Variants in SNX29 observed in about 807,000 individuals in gnomAD.
The protein encoded by SNX29 is sorting nexin 29.
Under a neutral mutation model 102.1 loss-of-function variants are expected in SNX29, and 78 were observed. That is an observed-to-expected ratio of 0.76 (90% CI 0.64 to 0.92). The LOEUF (loss-of-function observed/expected upper bound fraction) is 0.92. Ranked by LOEUF, SNX29 falls within the 40% of genes least tolerant of loss-of-function variation. SNX29 has a pLI of 0.00. For synonymous variants in SNX29, 580 were observed against 414.5 expected (o/e 1.40, Z -4.85); for missense variants, 1,280 against 1,061.7 (o/e 1.21, Z -2.86).
At chr16:12,501,207 G>T (rs1011216157) in intron 19 of SNX29, among the ~76,000 whole-genome samples, 41 of 151,992 alleles carry the variant, frequency 2.7e-4, no homozygotes, top group African/African-American at 9.4e-4. Context: ...ACCAGCCTGG[G>T]CAACATAGTG....
At chr16:12,159,962 T>C (rs1252241068) in intron 13 of SNX29, among the ~76,000 whole-genome samples, 1 of 152,228 alleles carries the variant, frequency 6.6e-6, no homozygotes, top group Non-Finnish European at 1.5e-5. Flanking sequence ...GCACCAATTT[T>C]CTTTACTGAA....
chr16:12,209,265 T>C (rs1024651250), intron 14 of SNX29, among the ~76,000 whole-genome samples: 1 of 152,160 alleles, frequency 6.6e-6, no homozygotes, highest in Non-Finnish European at 1.5e-5. Flanking sequence ...TCTCAGCTCA[T>C]TGTAACCTCT....
chr16:12,224,775 T>C (rs1314066251), intron 14 of SNX29, among the ~76,000 whole-genome samples: 1 of 152,088 alleles, frequency 6.6e-6, no homozygotes, highest in Non-Finnish European at 1.5e-5. Flanking sequence ...AAGACAAGCC[T>C]GATGGAGTCC....
chr16:12,433,052 C>T (rs2085379828), intron 18 of SNX29, among the ~76,000 whole-genome samples: 1 of 152,160 alleles, frequency 6.6e-6, no homozygotes. Flanking sequence ...GGAGCGGGTT[C>T]CTGAGTGGAA....
At chr16:12,070,707 T>C (rs1219655455) in intron 10 of SNX29, among the ~76,000 whole-genome samples, 1 of 151,988 alleles carries the variant, frequency 6.6e-6, no homozygotes, top group Non-Finnish European at 1.5e-5. Flanking sequence ...ATGGGATGGC[T>C]GGGTCAAATG....
intron 20 of SNX29, among the ~76,000 whole-genome samples, chr16:12,559,807 G>A (rs1411141965): frequency 6.6e-6 from 1 of 152,020 alleles, no homozygotes; most frequent in African/African-American, 2.4e-5. Context: ...CTATCTTCCA[G>A]GCCATTTCCA....
intron 14 of SNX29, among the ~76,000 whole-genome samples, chr16:12,220,162 G>A (rs1269986427): frequency 1.3e-5 from 2 of 150,960 alleles, no homozygotes; most frequent in African/African-American, 5.0e-5. Flanking sequence ...AAGAATGTGT[G>A]TTATTTCACA....
At chr16:12,176,916 C>CT (rs2076273263) in intron 13 of SNX29, among the ~76,000 whole-genome samples, 1 of 151,854 alleles carries the variant, frequency 6.6e-6, no homozygotes, top group Admixed American at 6.6e-5. Context: ...TTTGCAGGTC[C>CT]TGGGGTCGGG....
Position 12,487,273 on chromosome 16 carries a change from C to A in SNX29, c.2178+9414C>A, listed in dbSNP as rs148182372. Among the ~76,000 whole-genome samples, 143 of 152,260 alleles carry A rather than the reference C, an allele frequency of 9.4e-4. 1 individual carries two copies. The highest frequency in any genetic ancestry group is 3.3e-3 in the African/African-American group (139 of 41,524). On this transcript the variant is annotated intron_variant, in intron 19 of 20. Transcript: ENST00000566228. The stretch of plus-strand genomic sequence containing the variant: ...TTCTCATCCCCAGCGATGCCAGGAC[C>A]CTGAACCTGTGCAGTGGGTGAGCCC...
At chr16:12,148,650 G>C (rs2055165891) in intron 13 of SNX29, among the ~76,000 whole-genome samples, 1 of 151,910 alleles carries the variant, frequency 6.6e-6, no homozygotes. Context: ...CTGCCTTTTG[G>C]TCTTAAGTTT....
intron 16 of SNX29, among the ~76,000 whole-genome samples, chr16:12,394,451 A>G (rs2083647432): frequency 6.6e-6 from 1 of 152,160 alleles, no homozygotes; most frequent in Non-Finnish European, 1.5e-5. Context: ...TATGGATTAT[A>G]TGTCTCTGTA....
chr16:12,141,484 G>C (rs2054867136), intron 13 of SNX29, among the ~76,000 whole-genome samples: 1 of 152,246 alleles, frequency 6.6e-6, no homozygotes, highest in African/African-American at 2.4e-5. Flanking sequence ...AGCAAAAGAA[G>C]GGCTACTCCG....
At chr16:11,979,275 C>CAAAAAAAAAAAAAAAAAAAAAA (rs71139569) in intron 1 of SNX29, among the ~76,000 whole-genome samples, 5 of 61,998 alleles carry the variant, frequency 8.1e-5, no homozygotes, top group African/African-American at 3.0e-4. Flanking sequence ...ACTCAGTCTC[C>CAAAAAAAAAAAAAAAAAAAAAA]AAAAAAAAAA....
intron 13 of SNX29, among the ~76,000 whole-genome samples, chr16:12,144,279 A>G (rs1418179429): frequency 1.3e-5 from 2 of 152,224 alleles, no homozygotes; most frequent in East Asian, 3.8e-4. Context: ...TATAAAGAAT[A>G]GTATGACCCA....
At chr16:12,536,670 G>C (rs1304225072) in intron 20 of SNX29, among the ~76,000 whole-genome samples, 1 of 152,162 alleles carries the variant, frequency 6.6e-6, no homozygotes, top group Non-Finnish European at 1.5e-5. Context: ...ATCCAGGGAA[G>C]AGCTGGTATT....
chr16:12,563,267 G>A (rs976058084), intron 20 of SNX29, among the ~76,000 whole-genome samples: 1 of 152,128 alleles, frequency 6.6e-6, no homozygotes, highest in East Asian at 1.9e-4. Flanking sequence ...AGGTAGCAGA[G>A]GAACGTCGGG....
At chr16:12,113,314 A>G (rs2053569397) in intron 11 of SNX29, among the ~76,000 whole-genome samples, 1 of 152,186 alleles carries the variant, frequency 6.6e-6, no homozygotes, top group South Asian at 2.1e-4. Flanking sequence ...CAGACAAGCC[A>G]CACATCCATG....
intron 20 of SNX29, among the ~76,000 whole-genome samples, chr16:12,544,860 A>C (rs2077515250): frequency 6.6e-6 from 1 of 152,240 alleles, no homozygotes; most frequent in Non-Finnish European, 1.5e-5. Context: ...ACATGCAGCC[A>C]GTGTCAACAC....
At chr16:12,324,438 TG>T (rs1190500593) in intron 15 of SNX29, among the ~76,000 whole-genome samples, 5 of 151,542 alleles carry the variant, frequency 3.3e-5, no homozygotes, top group African/African-American at 9.7e-5. Context: ...ATCTGTTTTT[TG>T]TTTGTTTGTT....
Sources: gnomAD v4.1 joint callset for allele counts (sites outside exome capture counted in the v4.1 genomes callset) on GRCh38, gnomAD v4.1.1 for gene constraint, MANE v1.5 for transcripts, NCBI Gene and HGNC (gene_info 2026-07-23, HGNC 2026-07-21) for gene names.